The following DLGAP2 variants were observed in gnomAD, a reference collection of about 807,000 sequenced individuals.
DLGAP2 encodes disks large-associated protein 2.
Under a neutral mutation model 100.3 loss-of-function variants are expected in DLGAP2, and 26 were observed. The ratio of observed to expected loss-of-function variants is 0.26; its 90% CI spans 0.19 to 0.36. DLGAP2 has a LOEUF of 0.36. Among genes scored for constraint, DLGAP2 ranks in the 10% least tolerant of loss-of-function variants. The pLI, the probability that DLGAP2 is intolerant of heterozygous loss-of-function variation, is 1.00. For missense variants in DLGAP2, 1,858 were observed against 1,453.2 expected (o/e 1.28, Z -4.53); for synonymous variants, 886 against 630.1 (o/e 1.41, Z -6.08).
rs181358394 is a variant in DLGAP2, at chr8:1,115,972, C to A, written c.74-142879C>A. ...GCATGAGAGCATCACTCATAGACAT[C>A]AGTGCCCAGGAAACGATCCCAGCAG... is the stretch of plus-strand genomic sequence containing the variant. On this transcript the variant is annotated intron_variant, in intron 2 of 14. Coordinates refer to ENST00000637795, the MANE Select transcript of DLGAP2 (RefSeq NM_001346810.2). 1.5e-3 allele frequency among the ~76,000 whole-genome samples: 221 copies of A among 152,316 alleles called. 1 individual carries two copies. Among genetic ancestry groups the A allele is most frequent in the African/African-American group, 5.2e-3 (216 of 41,572 alleles).
At chr8:1,326,122 A>G (rs759049838) in intron 3 of DLGAP2, among the ~76,000 whole-genome samples, 8 of 152,154 alleles carry the variant, frequency 5.3e-5, no homozygotes, top group Non-Finnish European at 8.8e-5. Context: ...TTGACTTGCT[A>G]TGGTATTTTT....
intron 2 of DLGAP2, among the ~76,000 whole-genome samples, chr8:1,254,902 G>GTC (rs1799139038): frequency 6.6e-6 from 1 of 150,696 alleles, no homozygotes; most frequent in Admixed American, 6.6e-5. Flanking sequence ...CTGTGTCTGT[G>GTC]CTCTCTCCTG....
chr8:1,658,863 C>T (rs532508236), intron 8 of DLGAP2, among the ~76,000 whole-genome samples: 2 of 152,148 alleles, frequency 1.3e-5, no homozygotes, highest in Non-Finnish European at 2.9e-5. Flanking sequence ...TATTTCTTGT[C>T]TTCTGCTAGC....
At chr8:1,060,287 A>G (rs1214939797) in intron 2 of DLGAP2, among the ~76,000 whole-genome samples, 1 of 151,600 alleles carries the variant, frequency 6.6e-6, no homozygotes, top group African/African-American at 2.4e-5. Context: ...GCTTGTGGAT[A>G]GATCCCCTCC....
chr8:1,367,082 G>T (rs948328789), intron 3 of DLGAP2, among the ~76,000 whole-genome samples: 1 of 151,364 alleles, frequency 6.6e-6, no homozygotes, highest in Non-Finnish European at 1.5e-5. Context: ...TAACATTTAC[G>T]TAGCAACCTT....
Position 1,464,522 on chromosome 8 carries a change from AG to A in DLGAP2, c.107-36843del, listed in dbSNP as rs781147309. ...TTCCAGGACGGCACCCTTCCAGGAAAGCACCCTTCCAGGACAATACCCTTCC... is the reference window on the plus strand; with the variant it reads ...TTCCAGGACGGCACCCTTCCAGGAAACACCCTTCCAGGACAATACCCTTCC... On this transcript the variant is annotated intron_variant, in intron 3 of 14. Coordinates refer to ENST00000637795, the MANE Select transcript of DLGAP2 (RefSeq NM_001346810.2). Among the ~76,000 whole-genome samples the A allele has an allele frequency of 6.2e-4, 60 of 97,274 alleles. 1 individual carries two copies. Among genetic ancestry groups the A allele is most frequent in the Non-Finnish European group, 9.7e-4 (45 of 46,190 alleles). The allele number at this position is 97,274 out of a possible 152,430, so 63.8% of individuals were successfully genotyped here. A position where few individuals can be genotyped will look rare whatever the true frequency, so the allele number is the denominator to read the frequency against.
chr8:1,498,984 C>G (rs575294926), intron 3 of DLGAP2, among the ~76,000 whole-genome samples: 2 of 152,200 alleles, frequency 1.3e-5, no homozygotes, highest in Admixed American at 6.5e-5. Flanking sequence ...AACGGTGTCA[C>G]CTGAGCCACA....
chr8:1,656,815 C>CA (rs1188251247), intron 8 of DLGAP2, among the ~76,000 whole-genome samples: 2 of 152,302 alleles, frequency 1.3e-5, no homozygotes, highest in East Asian at 3.9e-4. Context: ...CCATTGGCCT[C>CA]AGAGTACTCA....
At chr8:1,159,623 C>G (rs2129052489) in intron 2 of DLGAP2, among the ~76,000 whole-genome samples, 1 of 152,190 alleles carries the variant, frequency 6.6e-6, no homozygotes, top group South Asian at 2.1e-4. Flanking sequence ...GAAAGAATAC[C>G]TGCATCTATC....
chr8:842,403 C>T (rs889262569), intron 1 of DLGAP2, among the ~76,000 whole-genome samples: 28 of 152,240 alleles, frequency 1.8e-4, no homozygotes, highest in African/African-American at 6.3e-4. Flanking sequence ...TAACCTAACA[C>T]AATGCTGTTG....
At chr8:1,252,229 A>G (rs1233311351) in intron 2 of DLGAP2, among the ~76,000 whole-genome samples, 33 of 124,276 alleles carry the variant, frequency 2.7e-4, no homozygotes, top group South Asian at 5.4e-4. Context: ...GTGTTGTCAC[A>G]TGGGTGTGTT....
intron 2 of DLGAP2, among the ~76,000 whole-genome samples, chr8:1,226,678 A>C (rs1334291665): frequency 6.6e-6 from 1 of 152,132 alleles, no homozygotes; most frequent in East Asian, 1.9e-4. Context: ...ATGATATAAA[A>C]ATGACCAACA....
At chr8:1,212,773 AC>A (rs1212043694) in intron 2 of DLGAP2, among the ~76,000 whole-genome samples, 1 of 70,218 alleles carries the variant, frequency 1.4e-5, no homozygotes, top group Non-Finnish European at 2.6e-5. Context: ...CCCCCCGCCC[AC>A]CCCCCATGAT....
At chr8:1,265,097 A>G (rs1198514420) in intron 3 of DLGAP2, among the ~76,000 whole-genome samples, 5 of 152,200 alleles carry the variant, frequency 3.3e-5, no homozygotes, top group South Asian at 4.1e-4. Flanking sequence ...TCATAGCACT[A>G]TGAAAATGGA....
At chr8:1,701,129 G>A (rs1031608109) in intron 14 of DLGAP2, 59 bp from the exon 15 acceptor site, 12 of 1,491,292 alleles carry the variant, frequency 8.0e-6, no homozygotes, top group South Asian at 1.3e-5. Context: ...CGCTGAGCTC[G>A]CGAGCTGCTG....
intron 1 of DLGAP2, among the ~76,000 whole-genome samples, chr8:872,027 T>C (rs1230229375): frequency 2.0e-5 from 3 of 152,242 alleles, no homozygotes; most frequent in Non-Finnish European, 4.4e-5. Flanking sequence ...GATATGATTA[T>C]AACAGATATT....
At chr8:1,273,546 C>T (rs1799623914) in intron 3 of DLGAP2, among the ~76,000 whole-genome samples, 1 of 152,336 alleles carries the variant, frequency 6.6e-6, no homozygotes, top group Middle Eastern at 3.4e-3. Flanking sequence ...CCGGCAGGAA[C>T]GTCCTGCTCT....
chr8:1,163,600 G>A (rs62487492), intron 2 of DLGAP2, among the ~76,000 whole-genome samples: 26,051 of 152,256 alleles, frequency 0.17, 2,824 homozygotes, highest in East Asian at 0.4. Context: ...GAACGCGGTT[G>A]TGTAACTGAC....
chr8:782,159 T>G (rs2132625345), intron 1 of DLGAP2, among the ~76,000 whole-genome samples: 1 of 152,162 alleles, frequency 6.6e-6, no homozygotes, highest in Non-Finnish European at 1.5e-5. Flanking sequence ...TGTAACAAAT[T>G]ATTGTGTGCA....
Sources: gnomAD v4.1 joint callset for allele counts (sites outside exome capture counted in the v4.1 genomes callset) on GRCh38, gnomAD v4.1.1 for gene constraint, MANE v1.5 for transcripts, NCBI Gene and HGNC (gene_info 2026-07-23, HGNC 2026-07-21) for gene names.